Variants in TFRC observed in about 807,000 individuals in gnomAD.
The protein encoded by TFRC is transferrin receptor protein 1.
Under a neutral mutation model 85.8 loss-of-function variants are expected in TFRC, and 35 were observed. The ratio of observed to expected loss-of-function variants is 0.41; its 90% CI spans 0.31 to 0.54. The LOEUF is 0.54. Among genes scored for constraint, TFRC ranks in the 20% least tolerant of loss-of-function variants. The probability of loss-of-function intolerance (pLI) is 0.31; values close to 1 mark genes in which losing one functional copy is unlikely to be tolerated. For synonymous variants in TFRC, 362 were observed against 328.6 expected (o/e 1.10, Z -1.10); for missense variants, 828 against 921.5 (o/e 0.90, Z 1.31).
intron 16 of TFRC, among the ~76,000 whole-genome samples, chr3:196,057,367 G>C (rs1577221255): frequency 6.6e-6 from 1 of 152,002 alleles, no homozygotes; most frequent in Non-Finnish European, 1.5e-5. Flanking sequence ...AATTGATCAC[G>C]ACCCTCTCAC....
At chr3:196,063,658 C>T (rs41295887) in intron 11 of TFRC, among the ~76,000 whole-genome samples, 82 of 152,198 alleles carry the variant, frequency 5.4e-4, no homozygotes, top group South Asian at 1.7e-3. Flanking sequence ...AGGCAGGGCA[C>T]GGTGGCTCAC....
At chr3:196,081,114 A>G (rs1462176955) in intron 1 of TFRC, among the ~76,000 whole-genome samples, 5 of 152,226 alleles carry the variant, frequency 3.3e-5, no homozygotes, top group African/African-American at 1.2e-4. Flanking sequence ...AGAACTGTCC[A>G]GCAGAATGTG....
At chr3:196,080,421 T>C (rs940858712) in intron 1 of TFRC, among the ~76,000 whole-genome samples, 5 of 152,166 alleles carry the variant, frequency 3.3e-5, no homozygotes, top group Admixed American at 3.3e-4. Flanking sequence ...GTGTTTTTAG[T>C]AGAGACAGGA....
chr3:196,063,812 G>A (rs1472797637), intron 11 of TFRC, among the ~76,000 whole-genome samples: 2 of 152,156 alleles, frequency 1.3e-5, no homozygotes, highest in African/African-American at 4.8e-5. Flanking sequence ...AGCTACTCAG[G>A]AGGCTGAGGC....
chr3:196,067,598 C>T lies in TFRC; in HGVS notation c.960G>A (p.Gln320=), dbSNP rs775860928. Residue 320 remains glutamine, a synonymous_variant, in exon 9 of 19, where the codon CAG becomes CAA. Transcript: ENST00000360110. ...TPGFPSFNHT[Q]FPPSRSSGLP... is the part of the protein sequence containing the mutation. ...ATCCTGATGACCGAGATGGTGGAAA[C>T]TGAGTGTGATTGAAGGAAGGGAATC... 20 of 1,614,134 alleles carry T rather than the reference C, an allele frequency of 1.2e-5. No individual in the cohort carries two copies. The highest frequency in any genetic ancestry group is 6.7e-5 in the Admixed American group (4 of 60,014).
intron 13 of TFRC, among the ~76,000 whole-genome samples, chr3:196,061,132 C>G (rs925717146): frequency 2.6e-5 from 4 of 152,208 alleles, no homozygotes; most frequent in Non-Finnish European, 4.4e-5. Context: ...TACCCCATTC[C>G]TGTTGAATGT....
At chr3:196,060,386 A>G (rs919111334) in intron 13 of TFRC, 139 bp from the exon 14 acceptor site, 35 of 702,182 alleles carry the variant, frequency 5.0e-5, no homozygotes, top group Middle Eastern at 5.0e-4. Context: ...CCATTCATCA[A>G]GTAAACAAAA....
intron 3 of TFRC, among the ~76,000 whole-genome samples, 198 bp downstream of exon 3, chr3:196,074,961 G>T (rs528889629): frequency 6.8e-6 from 1 of 146,990 alleles, no homozygotes; most frequent in Admixed American, 7.1e-5. Flanking sequence ...GCAGAGAATC[G>T]CTTAAACCTG....
intron 1 of TFRC, among the ~76,000 whole-genome samples, chr3:196,079,200 G>A (rs1296761889): frequency 1.3e-5 from 2 of 152,070 alleles, no homozygotes; most frequent in East Asian, 3.8e-4. Flanking sequence ...GAACTGGAAG[G>A]CCCCACCCTG....
intron 17 of TFRC, 102 bp downstream of exon 17, chr3:196,054,978 A>G (rs1473942309): frequency 1.7e-6 from 2 of 1,157,490 alleles, no homozygotes; most frequent in South Asian, 1.3e-5. Context: ...AAAATGTACT[A>G]TGGCTACAAT....
At chr3:196,077,668 C>T (rs1034423254) in intron 1 of TFRC, among the ~76,000 whole-genome samples, 12 of 151,956 alleles carry the variant, frequency 7.9e-5, no homozygotes, top group Non-Finnish European at 1.5e-4. Context: ...AGGAGAATGG[C>T]GTGAACCCAG....
chr3:196,067,889 T>C (rs1317474315), intron 8 of TFRC, 143 bp downstream of exon 8: 3 of 755,652 alleles, frequency 4.0e-6, no homozygotes, highest in African/African-American at 1.8e-5. Flanking sequence ...TCAAAGTCAA[T>C]GTAATCTATC....
chr3:196,077,752 CA>C (rs143065773), intron 1 of TFRC, among the ~76,000 whole-genome samples: 6 of 144,636 alleles, frequency 4.1e-5, no homozygotes, highest in Admixed American at 6.9e-5. Context: ...AACTCTGTCT[CA>C]AAAAAAAAAG....
At position 196,080,041 on chromosome 3, in the gene TFRC, A is replaced by G. The variant is rs150058767; in HGVS notation, c.-24+2002T>C. ...TGAGATTCCAAATGATATGAAAAAT[A>G]TAATGAAAACATTGGACCAGGAATC... On this transcript the variant is annotated intron_variant, in intron 1 of 18. Coordinates refer to ENST00000360110, the MANE Select transcript of TFRC (RefSeq NM_001128148.3). Among the ~76,000 whole-genome samples, 224 of 152,370 alleles carry G rather than the reference A, an allele frequency of 1.5e-3. 2 individuals carry two copies. The highest frequency in any genetic ancestry group is 5.2e-3 in the African/African-American group (218 of 41,594).
chr3:196,053,865 T>C (rs1716548829), intron 17 of TFRC, among the ~76,000 whole-genome samples: 1 of 152,240 alleles, frequency 6.6e-6, no homozygotes, highest in Non-Finnish European at 1.5e-5. Flanking sequence ...GGGGAAAACA[T>C]TTTGGTTCAA....
intron 17 of TFRC, among the ~76,000 whole-genome samples, 158 bp from the exon 18 acceptor site, chr3:196,053,716 A>G (rs1393262755): frequency 6.6e-6 from 1 of 152,246 alleles, no homozygotes; most frequent in East Asian, 1.9e-4. Context: ...TCCAAGCTCT[A>G]TGGACTGTGA....
At chr3:196,081,008 T>G (rs1470777147) in intron 1 of TFRC, among the ~76,000 whole-genome samples, 1 of 152,030 alleles carries the variant, frequency 6.6e-6, no homozygotes, top group Non-Finnish European at 1.5e-5. Context: ...GTCCCCCGGG[T>G]AAGTGAGGTC....
intron 16 of TFRC, among the ~76,000 whole-genome samples, chr3:196,057,011 G>C (rs937612061): frequency 7.2e-5 from 11 of 152,094 alleles, no homozygotes; most frequent in African/African-American, 1.2e-4. Context: ...TAGCAGAGAC[G>C]GGGTTTCACC....
rs1190980707 is a variant in TFRC, at chr3:196,050,154, A to C, written c.*1788T>G. On this transcript the variant is annotated 3_prime_UTR_variant, in exon 19 of 19. Coordinates refer to ENST00000360110, the MANE Select transcript of TFRC (RefSeq NM_001128148.3). ...TCTGGATTAAAACTTGTCCGCACTA[A>C]GTTTATAGGAGGTAACATGCAAATA... 8.7e-6 allele frequency: 2 copies of C among 229,744 alleles called. No homozygotes were observed. Among genetic ancestry groups the C allele is most frequent in the African/African-American group, 4.4e-5 (2 of 45,140 alleles). 14.2% of individuals were successfully genotyped at this position (229,744 alleles called of 1,614,324 possible).
Sources: allele counts gnomAD v4.1 joint callset (sites outside exome capture counted in the v4.1 genomes callset), GRCh38; gene constraint gnomAD v4.1.1; transcripts MANE v1.5; gene names NCBI Gene and HGNC (gene_info 2026-07-23, HGNC 2026-07-21).